STX18: variants seen among roughly 807,000 people sequenced by gnomAD.
STX18 encodes the protein syntaxin-18.
STX18 carries 40 observed loss-of-function variants against 50.1 expected under a neutral mutation model. The ratio of observed to expected loss-of-function variants is 0.80; its 90% confidence interval spans 0.62 to 1.04. The LOEUF (loss-of-function observed/expected upper bound fraction) is 1.04, where lower values mean the gene tolerates loss of function less well. STX18 is among the 50% of genes least tolerant of loss of function. The pLI is 0.00. For synonymous variants in STX18, 158 were observed against 151.8 expected (o/e 1.04, Z -0.30); for missense variants, 410 against 415.8 (o/e 0.99, Z 0.12).
chr4:4,423,773 G>T, intron 8 of STX18, 186 bp from the exon 9 acceptor site: 1 of 618,384 alleles, frequency 1.6e-6, no homozygotes, highest in Non-Finnish European at 2.8e-6. Flanking sequence ...CACCTTCCCT[G>T]TCTTCTGGCA....
chr4:4,451,095 T>C (rs968028351), intron 5 of STX18, among the ~76,000 whole-genome samples: 2 of 152,218 alleles, frequency 1.3e-5, no homozygotes, highest in African/African-American at 4.8e-5. Flanking sequence ...AAGCAATTTT[T>C]AAAAAGCCAT....
At chr4:4,467,061 T>G (rs940315399) in intron 2 of STX18, among the ~76,000 whole-genome samples, 13 of 152,160 alleles carry the variant, frequency 8.5e-5, no homozygotes, top group African/African-American at 2.9e-4. Context: ...TGGTGCCAGC[T>G]GATCCATCAA....
At chr4:4,469,585 G>A (rs1727806481) in intron 2 of STX18, among the ~76,000 whole-genome samples, 1 of 152,078 alleles carries the variant, frequency 6.6e-6, no homozygotes, top group African/African-American at 2.4e-5. Flanking sequence ...ACCGCTGAAT[G>A]TATAAACTAA....
chr4:4,484,983 C>T (rs993709139), intron 1 of STX18, among the ~76,000 whole-genome samples: 7 of 152,226 alleles, frequency 4.6e-5, no homozygotes, highest in South Asian at 2.1e-4. Flanking sequence ...GACCCAACTT[C>T]GCACTGCTTT....
intron 1 of STX18, among the ~76,000 whole-genome samples, chr4:4,537,242 C>T (rs1731386753): frequency 6.6e-6 from 1 of 152,196 alleles, no homozygotes; most frequent in South Asian, 2.1e-4. Context: ...TTTCTAGTTT[C>T]TCATTCCCCA....
Position 4,420,975 on chromosome 4 carries a change from T to C in STX18, c.832-31A>G. The stretch of plus-strand genomic sequence containing the variant: ...GAAGAAAAGATAAATACAAGTTGAG[T>C]ATCCTTTATCCAAAAACCTGAAACC... On this transcript the variant is annotated intron_variant, in intron 9 of 10. Transcript: ENST00000306200. The surrounding 1 kb of genome is among the most constrained non-coding windows in gnomAD (Gnocchi z 4.3). 6.2e-7 allele frequency: 1 copy of C among 1,606,694 alleles called. No individual in the cohort carries two copies. The highest frequency in any genetic ancestry group is 8.5e-7 in the Non-Finnish European group (1 of 1,173,838).
At chr4:4,534,654 T>C (rs1731250812) in intron 1 of STX18, among the ~76,000 whole-genome samples, 1 of 152,240 alleles carries the variant, frequency 6.6e-6, no homozygotes, top group Admixed American at 6.5e-5. Flanking sequence ...AACATGATCC[T>C]TTCGTGCCTC....
At chr4:4,520,963 TAGTCTTCCAAAA>T (rs1337927731) in intron 1 of STX18, among the ~76,000 whole-genome samples, 3 of 152,240 alleles carry the variant, frequency 2.0e-5, no homozygotes, top group Non-Finnish European at 2.9e-5. Flanking sequence ...ACAATTTATC[TAGTCTTCCAAAA>T]AGACTTGAAC....
rs756769803 is a variant in STX18, at chr4:4,471,700, G to C, written c.175C>G (p.His59Asp). ...AGAAAATCTCTCAGTTTGCCAATGT[G>C]AGAAATCTAAAATTAAAAAAGAAAG... is the stretch of plus-strand genomic sequence containing the variant. Reference protein sequence around the residue: ...FSSRAREVISHIGKLRDFLLE... With the variant: ...FSSRAREVISDIGKLRDFLLE... The change falls in exon 2 of 11, where the codon CAC becomes GAC. Residue 59 changes from histidine (H) to aspartate (D), a missense_variant. Coordinates refer to ENST00000306200, the MANE Select transcript of STX18 (RefSeq NM_016930.4). 7.6e-6 allele frequency: 12 copies of C among 1,583,838 alleles called. No individual in the cohort carries two copies. Among genetic ancestry groups the C allele is most frequent in the Non-Finnish European group, 1.0e-5 (12 of 1,171,016 alleles).
chr4:4,472,709 C>T (rs561507297), intron 1 of STX18, among the ~76,000 whole-genome samples: 1 of 152,214 alleles, frequency 6.6e-6, no homozygotes, highest in Non-Finnish European at 1.5e-5. Flanking sequence ...CAGAACTATG[C>T]AAGGAGGGGC....
intron 5 of STX18, among the ~76,000 whole-genome samples, chr4:4,452,349 T>C (rs1030512796): frequency 1.3e-5 from 2 of 152,226 alleles, no homozygotes; most frequent in Non-Finnish European, 2.9e-5. Flanking sequence ...AAAGTGGCTA[T>C]ACTAAACAAC....
chr4:4,535,735 CCAT>C (rs1731301527), intron 1 of STX18, among the ~76,000 whole-genome samples: 1 of 152,206 alleles, frequency 6.6e-6, no homozygotes, highest in African/African-American at 2.4e-5. Flanking sequence ...TTCTAAACCT[CCAT>C]TGTTTCCCAA....
At chr4:4,454,351 T>C (rs1012016140) in intron 5 of STX18, among the ~76,000 whole-genome samples, 1 of 152,210 alleles carries the variant, frequency 6.6e-6, no homozygotes, top group East Asian at 1.9e-4. Flanking sequence ...ATGAGAACAA[T>C]TCCCATCTGA....
At chr4:4,444,721 C>T (rs1410686562) in intron 5 of STX18, among the ~76,000 whole-genome samples, 1 of 152,156 alleles carries the variant, frequency 6.6e-6, no homozygotes, top group Non-Finnish European at 1.5e-5. Context: ...GCAAATCCCT[C>T]AATAAGAAAG....
chr4:4,438,735 A>T (rs1297261007), intron 5 of STX18, among the ~76,000 whole-genome samples: 1 of 152,154 alleles, frequency 6.6e-6, no homozygotes, highest in East Asian at 1.9e-4. Flanking sequence ...CTGCATTTGC[A>T]GCCACGGCAC....
intron 1 of STX18, among the ~76,000 whole-genome samples, chr4:4,527,867 C>CATATATATATAT (rs1553851958): frequency 8.7e-5 from 12 of 137,208 alleles, no homozygotes; most frequent in Admixed American, 2.9e-4. Flanking sequence ...CACACACACA[C>CATATATATATAT]ATATATATAT....
At chr4:4,478,874 C>T (rs767391361) in intron 1 of STX18, 9 of 152,562 alleles carry the variant, frequency 5.9e-5, no homozygotes, top group African/African-American at 9.7e-5. Context: ...TATATTCTGG[C>T]CCATGCCCCA....
Position 4,457,212 on chromosome 4 carries a change from C to T in STX18, c.476G>A (p.Arg159Lys). 1 of 1,614,158 alleles carries T rather than the reference C, an allele frequency of 6.2e-7. No individual in the cohort carries two copies. Among genetic ancestry groups the T allele is most frequent in the Non-Finnish European group, 8.5e-7 (1 of 1,179,998 alleles). The stretch of plus-strand genomic sequence containing the variant: ...TTACAATCTTTTCTTATCCACCACT[C>T]TTTTAACTCGGATGGCTCTCTGTTC... ...YSEQRAIRVK[R>K]VVDKKRLSKL... Residue 159 changes from arginine (R) to lysine (K), a missense_variant, in exon 5 of 11, where the codon AGA (arginine) becomes AAA (lysine). Coordinates refer to ENST00000306200, the MANE Select transcript of STX18 (RefSeq NM_016930.4).
intron 1 of STX18, among the ~76,000 whole-genome samples, chr4:4,515,572 C>T (rs1457024276): frequency 1.7e-4 from 26 of 151,960 alleles, no homozygotes; most frequent in Admixed American, 1.7e-3. Flanking sequence ...ATACTGGATA[C>T]CAGTCTGATT....
Sources: gnomAD v4.1 joint callset for allele counts (sites outside exome capture counted in the v4.1 genomes callset) on GRCh38, gnomAD v4.1.1 for gene constraint, Gnocchi (gnomAD v3.1) non-coding constraint, MANE v1.5 for transcripts, NCBI Gene and HGNC (gene_info 2026-07-23, HGNC 2026-07-21) for gene names.